ZNF385D: variants seen among roughly 807,000 people sequenced by gnomAD.
ZNF385D encodes the protein zinc finger protein 659.
A neutral mutation model predicts 35.8 loss-of-function variants in ZNF385D; 15 were observed. That is an observed-to-expected ratio of 0.42 (90% CI 0.28 to 0.64). The LOEUF (loss-of-function observed/expected upper bound fraction) is 0.64, where lower values mean the gene tolerates loss of function less well. Ranked by LOEUF, ZNF385D falls within the 30% of genes least tolerant of loss-of-function variation. The pLI, the probability that ZNF385D is intolerant of heterozygous loss-of-function variation, is 0.23. For synonymous variants in ZNF385D, 212 were observed against 186.8 expected, an observed-to-expected ratio of 1.13 and a Z score of -1.10; for missense variants, 474 against 494.6, an observed-to-expected ratio of 0.96 and a Z score of 0.39.
At chr3:21,861,197 A>G (rs2125830023) in intron 3 of ZNF385D, among the ~76,000 whole-genome samples, 1 of 152,224 alleles carries the variant, frequency 6.6e-6, no homozygotes, top group Admixed American at 6.5e-5. Context: ...AGCCAAATGA[A>G]CAGACTGCTC....
chr3:22,227,181 T>A, intron 2 of ZNF385D, among the ~76,000 whole-genome samples: 1 of 148,678 alleles, frequency 6.7e-6, no homozygotes, highest in African/African-American at 2.6e-5. Context: ...TATGTGTATG[T>A]GGGGCGGGGG....
At chr3:22,076,325 G>T (rs965383520) in intron 3 of ZNF385D, among the ~76,000 whole-genome samples, 2 of 151,710 alleles carry the variant, frequency 1.3e-5, no homozygotes, top group Non-Finnish European at 2.9e-5. Flanking sequence ...CCCCAACCTT[G>T]GTCACTTCGG....
rs1575029192 is a variant in ZNF385D, at chr3:22,281,970, C to G, written c.106+90480G>C. On this transcript the variant is annotated intron_variant, in intron 2 of 5. Coordinates refer to the ZNF385D transcript ENST00000494108. Reference sequence around the variant, plus strand: ...AGTTTCTATTTCCTCTTGGTTTAATCTAGGAGGGTTGTATATTTCCAGGAA... The same window carrying G: ...AGTTTCTATTTCCTCTTGGTTTAATGTAGGAGGGTTGTATATTTCCAGGAA... Among the ~76,000 whole-genome samples the G allele has an allele frequency of 2.0e-5, 3 of 152,108 alleles. No homozygotes were observed. The South Asian group carries it at 6.2e-4, about 32-fold the overall frequency.
At chr3:22,211,525 G>A (rs763481783) in intron 2 of ZNF385D, among the ~76,000 whole-genome samples, 53 of 151,946 alleles carry the variant, frequency 3.5e-4, no homozygotes, top group Admixed American at 2.6e-4. Flanking sequence ...GACTAGGCTC[G>A]GATTTCATTT....
rs547255570 is a variant in ZNF385D, at chr3:21,668,277, T to C, written c.23-3249A>G. Among the ~76,000 whole-genome samples, 28 of 152,264 alleles carry C rather than the reference T, an allele frequency of 1.8e-4. No homozygotes were observed. The South Asian group carries it at 3.3e-3, about 18-fold the overall frequency. On this transcript the variant is annotated intron_variant, in intron 1 of 7. Coordinates refer to ENST00000281523, the MANE Select transcript of ZNF385D (RefSeq NM_024697.3). ...TTGATAGCCCCAAGCAATGACTGATTCATGCAGGAGTTTACTGGCTTTGCC... is the reference window on the plus strand; with the variant it reads ...TTGATAGCCCCAAGCAATGACTGATCCATGCAGGAGTTTACTGGCTTTGCC...
chr3:22,261,313 A>G (rs988424922), intron 2 of ZNF385D, among the ~76,000 whole-genome samples: 3 of 152,076 alleles, frequency 2.0e-5, no homozygotes, highest in African/African-American at 7.2e-5. Flanking sequence ...AAAATGGTGC[A>G]GTATAATATA....
chr3:21,796,542 A>G (rs1249442066), intron 3 of ZNF385D, among the ~76,000 whole-genome samples: 1 of 152,028 alleles, frequency 6.6e-6, no homozygotes, highest in Non-Finnish European at 1.5e-5. Flanking sequence ...GGATATCCAC[A>G]TGCAAAAAAA....
chr3:22,184,540 AC>A (rs1695496997), intron 2 of ZNF385D, among the ~76,000 whole-genome samples: 1 of 152,090 alleles, frequency 6.6e-6, no homozygotes, highest in African/African-American at 2.4e-5. Context: ...GGATAGACAA[AC>A]GGGGCCAGGT....
At chr3:21,610,643 C>T (rs374400139) in intron 2 of ZNF385D, among the ~76,000 whole-genome samples, 10 of 151,974 alleles carry the variant, frequency 6.6e-5, no homozygotes, top group South Asian at 4.1e-4. Flanking sequence ...GGTATGGTGG[C>T]GGGCGCCTGT....
At chr3:21,708,843 C>T (rs754326905) in intron 1 of ZNF385D, among the ~76,000 whole-genome samples, 35 of 147,624 alleles carry the variant, frequency 2.4e-4, no homozygotes, top group African/African-American at 6.4e-4. Context: ...TTAAAGCATC[C>T]GAAGTGTGTG....
chr3:21,855,167 C>G lies in ZNF385D; in HGVS notation c.326-190139G>C, dbSNP rs546732564. On this transcript the variant is annotated intron_variant, in intron 3 of 5. Coordinates refer to the ZNF385D transcript ENST00000494108. Reference sequence around the variant, plus strand: ...TTCCCATACCTATCTCTGAAAGTAACAGCATATTGTTATTTTCTCTGAGAA... The same window carrying G: ...TTCCCATACCTATCTCTGAAAGTAAGAGCATATTGTTATTTTCTCTGAGAA... Among the ~76,000 whole-genome samples, 5 of 152,154 alleles carry G rather than the reference C, an allele frequency of 3.3e-5. No homozygotes were observed. The South Asian group carries it at 6.2e-4, about 19-fold the overall frequency.
chr3:21,824,997 G>A (rs751356285), intron 3 of ZNF385D, among the ~76,000 whole-genome samples: 1 of 152,124 alleles, frequency 6.6e-6, no homozygotes, highest in Non-Finnish European at 1.5e-5. Flanking sequence ...AATATGTTCA[G>A]ACTTCATGAT....
At chr3:22,147,441 A>G (rs1391114478) in intron 3 of ZNF385D, among the ~76,000 whole-genome samples, 5 of 152,138 alleles carry the variant, frequency 3.3e-5, no homozygotes, top group African/African-American at 1.2e-4. Flanking sequence ...TGCTGTATTA[A>G]CTGGGAAAGA....
chr3:21,574,645 A>G (rs1306638405), intron 2 of ZNF385D, among the ~76,000 whole-genome samples: 2 of 152,096 alleles, frequency 1.3e-5, no homozygotes, highest in Non-Finnish European at 2.9e-5. Flanking sequence ...GATATTACTG[A>G]GATGTGCTTC....
chr3:21,697,867 T>C (rs2067527488), intron 1 of ZNF385D, among the ~76,000 whole-genome samples: 3 of 152,114 alleles, frequency 2.0e-5, no homozygotes, highest in South Asian at 2.1e-4. Flanking sequence ...CCATTAATCA[T>C]CACGGAAATG....
intron 3 of ZNF385D, among the ~76,000 whole-genome samples, chr3:21,975,081 G>T (rs1284960471): frequency 6.6e-6 from 1 of 152,186 alleles, no homozygotes; most frequent in East Asian, 1.9e-4. Context: ...GTACCCAAAA[G>T]AGAGAAAATC....
chr3:22,315,133 C>T (rs1251650794), intron 2 of ZNF385D, among the ~76,000 whole-genome samples: 1 of 151,848 alleles, frequency 6.6e-6, no homozygotes, highest in African/African-American at 2.4e-5. Context: ...CAGCCAGAGA[C>T]AAAGGAAAGG....
chr3:22,119,864 T>C (rs184460574), intron 3 of ZNF385D, among the ~76,000 whole-genome samples: 1 of 152,242 alleles, frequency 6.6e-6, no homozygotes, highest in East Asian at 1.9e-4. Flanking sequence ...TTTTCATTTT[T>C]TGAGACAGGA....
intron 3 of ZNF385D, among the ~76,000 whole-genome samples, chr3:21,926,596 C>T (rs552172350): frequency 9.2e-5 from 14 of 152,212 alleles, no homozygotes; most frequent in African/African-American, 3.4e-4. Context: ...AATAAACACA[C>T]GTGTGCATGT....
Sources: allele counts gnomAD v4.1 joint callset (sites outside exome capture counted in the v4.1 genomes callset), GRCh38; gene constraint gnomAD v4.1.1; transcripts MANE v1.5; gene names NCBI Gene and HGNC (gene_info 2026-07-23, HGNC 2026-07-21).